Variants in POLR2E observed in about 807,000 individuals in gnomAD.
POLR2E encodes the protein RNA polymerase II, I and III subunit E.
POLR2E carries 35 observed loss-of-function variants against 29.8 expected under a neutral mutation model. The ratio of observed to expected loss-of-function variants is 1.17; its 90% CI spans 0.90 to 1.55. The LOEUF (loss-of-function observed/expected upper bound fraction) is 1.55, where lower values mean the gene tolerates loss of function less well. Among genes scored for constraint, POLR2E ranks in the 40% most tolerant of loss-of-function variants. The pLI is 0.00. For missense variants in POLR2E, 287 were observed against 288.6 expected, an observed-to-expected ratio of 0.99 and a Z score of 0.04; for synonymous variants, 174 against 112.6, an observed-to-expected ratio of 1.55 and a Z score of -3.45.
chr19:1,087,640 G>C lies in POLR2E; in HGVS notation c.*1095C>G, dbSNP rs902919577. On this transcript the variant is annotated 3_prime_UTR_variant, in exon 8 of 8. Coordinates refer to ENST00000615234, the MANE Select transcript of POLR2E (RefSeq NM_002695.5). ...GAGTGACATCAGTGTTTGTCCCTTT[G>C]GGTCTGGCTTGCTTTGGCCAAGACA... is the stretch of plus-strand genomic sequence containing the variant. 2 of 152,006 alleles carry C rather than the reference G, an allele frequency of 1.3e-5. No individual in the cohort carries two copies. Among genetic ancestry groups the C allele is most frequent in the Admixed American group, 6.6e-5 (1 of 15,224 alleles). The allele number at this position is 152,006 out of a possible 1,614,324, so 9.4% of individuals were successfully genotyped here.
rs1483943862 is a variant in POLR2E, at chr19:1,095,320, G to T, written c.-5C>A. 6.2e-7 allele frequency: 1 copy of T among 1,611,930 alleles called. No homozygotes were observed. The highest frequency in any genetic ancestry group is 1.3e-5 in the African/African-American group (1 of 74,892). ...CGTCTCCTCCTCGTCGTCCATGGCA[G>T]CCTCCGCCGCCGCCGCCGCTCGCAC... is the stretch of plus-strand genomic sequence containing the variant. On this transcript the variant is annotated 5_prime_UTR_variant, in exon 1 of 8. In the 5' UTR this introduces an upstream ATG that the reference lacks. Coordinates refer to ENST00000615234, the MANE Select transcript of POLR2E (RefSeq NM_002695.5).
intron 2 of POLR2E, 180 bp downstream of exon 2, chr19:1,093,724 G>C: frequency 1.4e-6 from 2 of 1,390,700 alleles, no homozygotes; most frequent in South Asian, 3.3e-5. Context: ...AGCTGAGCAT[G>C]AGAGGGGTCA....
intron 1 of POLR2E, chr19:1,094,365 A>C: frequency 2.4e-6 from 1 of 415,028 alleles, no homozygotes; most frequent in South Asian, 4.1e-5. Flanking sequence ...CCTCCAAACC[A>C]CTTTGCAGAG....
chr19:1,091,737 G>T, intron 3 of POLR2E, 55 bp downstream of exon 3: 2 of 1,220,436 alleles, frequency 1.6e-6, no homozygotes, highest in Non-Finnish European at 2.4e-6. Flanking sequence ...GGTACTGCTT[G>T]CGGGAGGAGG....
intron 7 of POLR2E, among the ~76,000 whole-genome samples, chr19:1,089,269 G>C (rs2043776596): frequency 6.6e-6 from 1 of 152,240 alleles, no homozygotes; most frequent in Non-Finnish European, 1.5e-5. Flanking sequence ...TCCCGTCCAG[G>C]CGCACAGCCC....
intron 3 of POLR2E, chr19:1,091,551 G>C (rs1223560265): frequency 1.8e-6 from 1 of 545,584 alleles, no homozygotes; most frequent in Non-Finnish European, 3.3e-6. Flanking sequence ...GAGAGGCACA[G>C]TGCCCTCCGC....
chr19:1,093,048 G>C (rs1239439339), intron 2 of POLR2E, among the ~76,000 whole-genome samples: 7 of 151,862 alleles, frequency 4.6e-5, no homozygotes, highest in Non-Finnish European at 7.4e-5. Context: ...AACTAGCCAG[G>C]CGTGGTGGTG....
Position 1,095,362 on chromosome 19 carries a change from A to G in POLR2E, c.-47T>C, listed in dbSNP as rs1463636839. On this transcript the variant is annotated 5_prime_UTR_variant, in exon 1 of 8. Coordinates refer to ENST00000615234, the MANE Select transcript of POLR2E (RefSeq NM_002695.5). ...CGCTCGCACCCCTTCTCCGCGCGAG[A>G]ACCCGCGCGGACTGCGCCTGCGCCG... The G allele has an allele frequency of 6.2e-7, 1 of 1,608,398 alleles. No homozygotes were observed.
chr19:1,089,729 C>T (rs41552917), intron 6 of POLR2E, 155 bp downstream of exon 6: 265 of 793,362 alleles, frequency 3.3e-4, no homozygotes, highest in Non-Finnish European at 4.7e-4. Flanking sequence ...GCCCAGTGGC[C>T]CTGGCTTTAA....
chr19:1,091,006 T>G lies in POLR2E; in HGVS notation c.349-18A>C. ...ACCAGGGACTGGAAGAGAGCGGCTC[T>G]AAGGCACGGCCCGGAGGGGCCCAGA... On this transcript the variant is annotated intron_variant, in intron 3 of 7. Coordinates refer to ENST00000615234, the MANE Select transcript of POLR2E (RefSeq NM_002695.5). 6.2e-7 allele frequency: 1 copy of G among 1,612,174 alleles called. No homozygotes were observed. Among genetic ancestry groups the G allele is most frequent in the East Asian group, 2.2e-5 (1 of 44,868 alleles).
chr19:1,090,900 G>T lies in POLR2E; in HGVS notation c.429+8C>A. On this transcript the variant is annotated splice_region_variant and intron_variant, in intron 4 of 7. Transcript: ENST00000615234. ...CCACGCAGGCGGGATTCCGCGGCGC[G>T]CGCCCACCTCGTGCTCCGTGATGTT... The T allele has an allele frequency of 1.2e-6, 2 of 1,610,694 alleles. No individual in the cohort carries two copies. The highest frequency in any genetic ancestry group is 8.5e-7 in the Non-Finnish European group (1 of 1,178,756).
intron 2 of POLR2E, among the ~76,000 whole-genome samples, chr19:1,092,119 G>A (rs1320994808): frequency 4.6e-5 from 7 of 152,182 alleles, no homozygotes; most frequent in Middle Eastern, 3.2e-3. Flanking sequence ...CCGGAGACAG[G>A]GACAGGGGGC....
chr19:1,092,493 A>C (rs1349001648), intron 2 of POLR2E: 1 of 151,404 alleles, frequency 6.6e-6, no homozygotes, highest in East Asian at 2.0e-4. Flanking sequence ...CGATGTCAGG[A>C]GATCGAGACC....
intron 7 of POLR2E, among the ~76,000 whole-genome samples, chr19:1,089,091 G>T (rs1253945074): frequency 1.3e-5 from 2 of 152,224 alleles, no homozygotes; most frequent in Admixed American, 6.5e-5. Context: ...CCCACTCAGG[G>T]AAGGGTTGGC....
intron 3 of POLR2E, 59 bp from the exon 4 acceptor site, chr19:1,091,047 T>C (rs924294218): frequency 2.7e-6 from 4 of 1,473,134 alleles, no homozygotes; most frequent in Admixed American, 1.8e-5. Context: ...CCAACCCCAT[T>C]TCCTGCCTCA....
chr19:1,090,121 T>C lies in POLR2E; in HGVS notation c.454A>G (p.Thr152Ala). ...HELVPEHVVM[T>A]KEEVTELLAR... ...AGCAGCTCTGTCACCTCCTCCTTGGTCATGACGACGTGCTCAGGGACTAGC... is the reference window on the plus strand; with the variant it reads ...AGCAGCTCTGTCACCTCCTCCTTGGCCATGACGACGTGCTCAGGGACTAGC... The change falls in exon 5 of 8, where the codon ACC becomes GCC. Residue 152 changes from threonine (T) to alanine (A), a missense_variant. Thr to Ala is a moderately conservative substitution (Grantham distance 58). Transcript: ENST00000615234. 6.2e-7 allele frequency: 1 copy of C among 1,612,460 alleles called. No homozygotes were observed. Among genetic ancestry groups the C allele is most frequent in the Non-Finnish European group, 8.5e-7 (1 of 1,179,878 alleles).
chr19:1,089,586 G>A, intron 6 of POLR2E, 35 bp from the exon 7 acceptor site: 1 of 1,580,586 alleles, frequency 6.3e-7, no homozygotes, highest in Non-Finnish European at 8.7e-7. Context: ...GCGAATGCTT[G>A]AGGGGTCTCA....
intron 1 of POLR2E, 120 bp downstream of exon 1, chr19:1,095,139 G>A: frequency 1.9e-6 from 2 of 1,058,762 alleles, no homozygotes; most frequent in Non-Finnish European, 1.4e-6. Context: ...CTCCCGTATC[G>A]GCCCGGCCCT....
chr19:1,095,035 T>G, intron 1 of POLR2E: 5 of 299,984 alleles, frequency 1.7e-5, no homozygotes, highest in Non-Finnish European at 1.8e-5. Context: ...CACCCACCCC[T>G]AAGCACCGCA....
Sources: allele counts gnomAD v4.1 joint callset (sites outside exome capture counted in the v4.1 genomes callset), GRCh38; gene constraint gnomAD v4.1.1; transcripts MANE v1.5; gene names NCBI Gene and HGNC (gene_info 2026-07-23, HGNC 2026-07-21).